Variants in RLF observed in about 807,000 individuals in gnomAD.
RLF encodes the protein zinc finger protein Rlf.
Under a neutral mutation model 162.9 loss-of-function variants are expected in RLF, and 7 were observed. The ratio of observed to expected loss-of-function variants is 0.04; its 90% CI spans 0.02 to 0.08. The LOEUF (loss-of-function observed/expected upper bound fraction) is 0.08, where lower values mean the gene tolerates loss of function less well. RLF is among the 10% of genes least tolerant of loss of function. The pLI is 1.00. For missense variants in RLF, 1,664 were observed against 2,244.7 expected (o/e 0.74, Z 5.23); for synonymous variants, 782 against 791.5 (o/e 0.99, Z 0.20).
chr1:40,186,381 T>A (rs755205363), intron 1 of RLF, among the ~76,000 whole-genome samples: 1 of 152,182 alleles, frequency 6.6e-6, no homozygotes, highest in African/African-American at 2.4e-5. Flanking sequence ...ACTACTTAAT[T>A]TGAACCAACA....
chr1:40,225,374 T>C (rs1400498373), intron 6 of RLF, among the ~76,000 whole-genome samples: 2 of 149,516 alleles, frequency 1.3e-5, no homozygotes, highest in African/African-American at 4.9e-5. Context: ...AGGTCAGGAG[T>C]TCGAGACTAG....
intron 7 of RLF, among the ~76,000 whole-genome samples, chr1:40,235,552 G>T (rs1440536853): frequency 6.6e-6 from 1 of 152,174 alleles, no homozygotes; most frequent in Non-Finnish European, 1.5e-5. Context: ...TTCCTTGGAA[G>T]TAAGGAACTG....
intron 4 of RLF, among the ~76,000 whole-genome samples, 197 bp from the exon 5 acceptor site, chr1:40,202,215 A>G (rs1310006939): frequency 6.6e-6 from 1 of 152,220 alleles, no homozygotes; most frequent in Non-Finnish European, 1.5e-5. Context: ...ATTTATGCTT[A>G]TAGTTCATTT....
chr1:40,217,377 G>A (rs1557754751), intron 5 of RLF, among the ~76,000 whole-genome samples: 2 of 152,166 alleles, frequency 1.3e-5, no homozygotes, highest in Admixed American at 1.3e-4. Flanking sequence ...TGAGGCAGGA[G>A]AGAGGATCAC....
At position 40,238,071 on chromosome 1, in the gene RLF, G is replaced by A. The variant is rs760239031; in HGVS notation, c.3369G>A (p.Ala1123=). 10 of 1,614,024 alleles carry A rather than the reference G, an allele frequency of 6.2e-6. No homozygotes were observed. Among genetic ancestry groups the A allele is most frequent in the South Asian group, 5.5e-5 (5 of 91,068 alleles). ...NMPSQYLAQL[A]AKPFFCELQG... ...CAAGTCAGTACCTTGCACAGTTGGC[G>A]GCTAAGCCGTTTTTCTGTGAGCTTC... The change falls in exon 8 of 8, where the codon GCG becomes GCA. Residue 1123 remains alanine (A), a synonymous_variant. Coordinates refer to ENST00000372771, the MANE Select transcript of RLF (RefSeq NM_012421.4). This position sits in a 1 kb window ranked among gnomAD's most constrained non-coding sequence, Gnocchi z 5.2.
intron 1 of RLF, among the ~76,000 whole-genome samples, chr1:40,176,897 C>T (rs1050541467): frequency 6.6e-6 from 1 of 151,996 alleles, no homozygotes; most frequent in Non-Finnish European, 1.5e-5. Context: ...ATATGCTTTG[C>T]AAAGATTTTC....
intron 1 of RLF, among the ~76,000 whole-genome samples, chr1:40,177,213 C>T (rs369720068): frequency 2.2e-4 from 34 of 151,892 alleles, no homozygotes; most frequent in East Asian, 1.6e-3. Context: ...CTTGAACTTC[C>T]GACCTCAAGT....
At chr1:40,195,251 C>A (rs1314010187) in intron 3 of RLF, among the ~76,000 whole-genome samples, 1 of 151,736 alleles carries the variant, frequency 6.6e-6, no homozygotes, top group Non-Finnish European at 1.5e-5. Flanking sequence ...GAGTTCAAGA[C>A]CAGCCTGGCC....
intron 5 of RLF, among the ~76,000 whole-genome samples, chr1:40,221,917 A>AAAAAAAAAAAAG (rs1486982312): frequency 2.0e-5 from 3 of 150,282 alleles, no homozygotes; most frequent in African/African-American, 7.4e-5. Context: ...AAAAAAAAAA[A>AAAAAAAAAAAAG]AGAGAAAGGA....
intron 5 of RLF, among the ~76,000 whole-genome samples, chr1:40,218,931 A>G (rs1239945700): frequency 2.6e-5 from 4 of 152,226 alleles, no homozygotes; most frequent in African/African-American, 4.8e-5. Flanking sequence ...TAATAGCTAT[A>G]GAATTGTAAG....
chr1:40,207,395 C>T (rs1344162278), intron 5 of RLF, among the ~76,000 whole-genome samples: 3 of 152,144 alleles, frequency 2.0e-5, no homozygotes, highest in African/African-American at 7.2e-5. Flanking sequence ...TTCTCTCTCT[C>T]AGCTTTATTT....
chr1:40,214,357 T>C (rs1286672145), intron 5 of RLF, among the ~76,000 whole-genome samples: 1 of 152,150 alleles, frequency 6.6e-6, no homozygotes, highest in Non-Finnish European at 1.5e-5. Context: ...AATAAAGGCT[T>C]TACAGCAATC....
intron 1 of RLF, among the ~76,000 whole-genome samples, chr1:40,188,618 GA>G (rs11406786): frequency 3.5e-3 from 505 of 145,908 alleles, no homozygotes; most frequent in African/African-American, 0.012. Flanking sequence ...CATGTGTCCA[GA>G]AAAAAAAAAA....
At position 40,228,856 on chromosome 1, in the gene RLF, G is replaced by T. The variant is rs542300762; in HGVS notation, c.948-2661G>T. Among the ~76,000 whole-genome samples the T allele has an allele frequency of 7.2e-5, 11 of 152,136 alleles. No homozygotes were observed. In the South Asian group the frequency reaches 2.3e-3, roughly 32 times the overall value. On this transcript the variant is annotated intron_variant, in intron 6 of 7. Coordinates refer to ENST00000372771, the MANE Select transcript of RLF (RefSeq NM_012421.4). ...CACCCAGGCTGGAGTATACTGGTGA[G>T]ATCACAGCTTACTGCAGCCTTAAAT...
chr1:40,194,238 A>T (rs1642598960), intron 3 of RLF, among the ~76,000 whole-genome samples: 1 of 152,248 alleles, frequency 6.6e-6, no homozygotes, highest in African/African-American at 2.4e-5. Flanking sequence ...TTAAACAATT[A>T]TATAATGATT....
chr1:40,216,374 G>C (rs1324809531), intron 5 of RLF, among the ~76,000 whole-genome samples: 3 of 151,970 alleles, frequency 2.0e-5, no homozygotes, highest in Non-Finnish European at 4.4e-5. Flanking sequence ...TGTAGTCCCA[G>C]CTACTCAGGA....
At chr1:40,223,691 A>G (rs537743796) in intron 6 of RLF, among the ~76,000 whole-genome samples, 1 of 152,276 alleles carries the variant, frequency 6.6e-6, no homozygotes, top group South Asian at 2.1e-4. Context: ...TTATTATTTT[A>G]TGTAGAAATT....
In RLF at chr1:40,238,476, A is replaced by G. The variant is rs1643246489; in HGVS notation, c.3774A>G (p.Glu1258=). 1.9e-6 allele frequency: 3 copies of G among 1,614,132 alleles called. No individual in the cohort carries two copies. The East Asian group carries it at 6.7e-5, about 36-fold the overall frequency. Residue 1258 remains glutamate, a synonymous_variant, in exon 8 of 8, where the codon GAA becomes GAG. Coordinates refer to ENST00000372771, the MANE Select transcript of RLF (RefSeq NM_012421.4). The surrounding 1 kb of genome is among the most constrained non-coding windows in gnomAD (Gnocchi z 5.2). The part of the protein sequence containing the change: ...KDECSSETDL[E]SSCEETESKT... ...AATGTAGTTCTGAAACAGATTTGGA[A>G]TCATCTTGTGAAGAAACAGAAAGTA... is the stretch of plus-strand genomic sequence containing the variant.
intron 3 of RLF, among the ~76,000 whole-genome samples, chr1:40,192,497 T>C (rs1206971332): frequency 6.6e-6 from 1 of 152,208 alleles, no homozygotes; most frequent in African/African-American, 2.4e-5. Context: ...GGATTTCAGA[T>C]TTTTGGATTA....
Sources: allele counts gnomAD v4.1 joint callset (sites outside exome capture counted in the v4.1 genomes callset), GRCh38; gene constraint gnomAD v4.1.1; non-coding constraint Gnocchi (gnomAD v3.1); transcripts MANE v1.5; gene names NCBI Gene and HGNC (gene_info 2026-07-23, HGNC 2026-07-21).